The following IGF1R variants were observed in gnomAD, a reference collection of about 807,000 sequenced individuals.
IGF1R encodes insulin like growth factor 1 receptor.
A neutral mutation model predicts 144.6 loss-of-function variants in IGF1R; 44 were observed. That is an observed-to-expected ratio of 0.30 (90% confidence interval 0.24 to 0.39). IGF1R has a LOEUF of 0.39. Among genes scored for constraint, IGF1R ranks in the 10% least tolerant of loss-of-function variants. The pLI is 1.00. For missense variants in IGF1R, 1,355 were observed against 1,833.7 expected (o/e 0.74, Z 4.77); for synonymous variants, 795 against 722.8 (o/e 1.10, Z -1.60).
chr15:98,855,129 G>A (rs2011732254), intron 2 of IGF1R, among the ~76,000 whole-genome samples: 1 of 152,176 alleles, frequency 6.6e-6, no homozygotes, highest in Non-Finnish European at 1.5e-5. Context: ...ATGCTGTATG[G>A]TGATGTGTTC....
rs190140886 is a variant in IGF1R at position 98,814,263 on chromosome 15, T to C, written c.641-77062T>C. ...TTTCTGGCATGAATGATACATCACT[T>C]TGGAGCAACACTTACCAGGCAGTGA... is the stretch of plus-strand genomic sequence containing the variant. On this transcript the variant is annotated intron_variant, in intron 2 of 20. Transcript: ENST00000650285. Among the ~76,000 whole-genome samples the C allele has an allele frequency of 3.1e-3, 473 of 152,300 alleles. 3 individuals are homozygous for C. The highest frequency in any genetic ancestry group is 9.4e-3 in the African/African-American group (389 of 41,532).
At chr15:98,821,702 A>C (rs1233261133) in intron 2 of IGF1R, among the ~76,000 whole-genome samples, 1 of 152,242 alleles carries the variant, frequency 6.6e-6, no homozygotes, top group Non-Finnish European at 1.5e-5. Context: ...AGCTTTATTC[A>C]TGAAACCCGG....
chr15:98,935,113 TC>T lies in IGF1R; in HGVS notation c.3186+63del. 1 of 1,376,506 alleles carries T rather than the reference TC, an allele frequency of 7.3e-7. No individual in the cohort carries two copies. The highest frequency in any genetic ancestry group is 1.0e-6 in the Non-Finnish European group (1 of 968,096). The allele number at this position is 1,376,506 out of a possible 1,614,324, so 85.3% of individuals were successfully genotyped here. ...ACAGGGAGAGGGTATCACACAAGCC[TC>T]CCAGTATGTTCTTGGCTGCATGTAC... is the stretch of plus-strand genomic sequence containing the variant. On this transcript the variant is annotated intron_variant, in intron 16 of 20. Transcript: ENST00000650285. This position sits in a 1 kb window ranked among gnomAD's most constrained non-coding sequence, Gnocchi z 4.2.
At chr15:98,885,538 G>A (rs1045701530) in intron 2 of IGF1R, among the ~76,000 whole-genome samples, 2 of 152,086 alleles carry the variant, frequency 1.3e-5, no homozygotes, top group African/African-American at 2.4e-5. Flanking sequence ...AGTTAGGAGC[G>A]GTTAATCCTC....
chr15:98,879,252 C>T (rs2013247306), intron 2 of IGF1R, among the ~76,000 whole-genome samples: 1 of 152,146 alleles, frequency 6.6e-6, no homozygotes, highest in South Asian at 2.1e-4. Context: ...TTTCAGAGTA[C>T]ACTAGAATAT....
At chr15:98,931,192 C>T (rs1022228750) in intron 15 of IGF1R, among the ~76,000 whole-genome samples, 3 of 152,096 alleles carry the variant, frequency 2.0e-5, no homozygotes, top group Non-Finnish European at 4.4e-5. Flanking sequence ...TGAGGTCCCC[C>T]GGGCAGGCAA....
In IGF1R at chr15:98,733,488, GT is replaced by G. The variant is rs112182962; in HGVS notation, c.640+25393del. 3.8e-4 allele frequency among the ~76,000 whole-genome samples: 56 copies of G among 148,062 alleles called. 1 individual carries two copies. Among genetic ancestry groups the G allele is most frequent in the South Asian group, 2.6e-3 (12 of 4,642 alleles). On this transcript the variant is annotated intron_variant, in intron 2 of 20. Coordinates refer to ENST00000650285, the MANE Select transcript of IGF1R (RefSeq NM_000875.5). ...TGAGCCACTGTACCTGGCTGAGAAGGTTTTTTTTTTTTCCCCCTTCCAAACC... is the reference window on the plus strand; with the variant it reads ...TGAGCCACTGTACCTGGCTGAGAAGGTTTTTTTTTTTCCCCCTTCCAAACC...
rs756271550 is a variant in IGF1R at position 98,963,795 on chromosome 15, AAAG to A, written c.*6356_*6358del. 9 of 233,076 alleles carry A rather than the reference AAAG, an allele frequency of 3.9e-5. No homozygotes were observed. The highest frequency in any genetic ancestry group is 1.1e-4 in the African/African-American group (5 of 45,454). The allele number at this position is 233,076 out of a possible 1,614,324, so 14.4% of individuals were successfully genotyped here. ...CGAAGATACGTATTTCCAATACAGAAAAGAATTTTTAATAAAAACTATAACATA... is the reference window on the plus strand; with the variant it reads ...CGAAGATACGTATTTCCAATACAGAAAATTTTTAATAAAAACTATAACATA... On this transcript the variant is annotated 3_prime_UTR_variant, in exon 21 of 21. Coordinates refer to ENST00000650285, the MANE Select transcript of IGF1R (RefSeq NM_000875.5).
At chr15:98,715,578 C>T (rs1198895827) in intron 2 of IGF1R, among the ~76,000 whole-genome samples, 1 of 152,194 alleles carries the variant, frequency 6.6e-6, no homozygotes, top group African/African-American at 2.4e-5. Flanking sequence ...GTGACATTCT[C>T]GGCAGAGTGG....
intron 2 of IGF1R, among the ~76,000 whole-genome samples, chr15:98,713,367 C>T (rs2054040512): frequency 6.6e-6 from 1 of 152,138 alleles, no homozygotes; most frequent in African/African-American, 2.4e-5. Context: ...CTTCGGTGAG[C>T]CAGTTGTACC....
At chr15:98,650,678 G>C (rs2052339001) in intron 1 of IGF1R, among the ~76,000 whole-genome samples, 1 of 152,250 alleles carries the variant, frequency 6.6e-6, no homozygotes, top group Non-Finnish European at 1.5e-5. Flanking sequence ...GTACGCTGTG[G>C]TTTCAGCGCC....
At chr15:98,796,909 C>T (rs1046503156) in intron 2 of IGF1R, among the ~76,000 whole-genome samples, 2 of 152,198 alleles carry the variant, frequency 1.3e-5, no homozygotes, top group African/African-American at 2.4e-5. Flanking sequence ...CTCTCACTCG[C>T]GACTCCTGTT....
rs573123651 is a variant in IGF1R at position 98,960,372 on chromosome 15, CCAA to C, written c.*2932_*2934del. ...CTCCTAGCCAGGTGGCCCTGTGAGG[CCAA>C]CGAGGGCACCAGAGCACACCTGGGG... On this transcript the variant is annotated 3_prime_UTR_variant, in exon 21 of 21. Transcript: ENST00000650285. 161 of 233,334 alleles carry C rather than the reference CCAA, an allele frequency of 6.9e-4. No homozygotes were observed. The highest frequency in any genetic ancestry group is 2.6e-3 in the African/African-American group (118 of 45,484). 14.5% of individuals were successfully genotyped at this position (233,334 alleles called of 1,614,324 possible). A position where few individuals can be genotyped will look rare whatever the true frequency, so the allele number is the denominator to read the frequency against.
At chr15:98,859,877 A>C (rs565400598) in intron 2 of IGF1R, among the ~76,000 whole-genome samples, 10 of 152,338 alleles carry the variant, frequency 6.6e-5, no homozygotes, top group African/African-American at 2.4e-4. Context: ...CCAAAGCAGC[A>C]TGCCTTGCTT....
At chr15:98,857,165 T>G (rs981574095) in intron 2 of IGF1R, among the ~76,000 whole-genome samples, 5 of 152,224 alleles carry the variant, frequency 3.3e-5, no homozygotes, top group African/African-American at 1.2e-4. Flanking sequence ...TTAAAGAAGC[T>G]TCTATAAAGT....
intron 2 of IGF1R, among the ~76,000 whole-genome samples, chr15:98,765,984 C>T (rs11247369): frequency 0.12 from 18,928 of 152,136 alleles, 1,505 homozygotes; most frequent in East Asian, 0.26. Context: ...GTGGTGCAAC[C>T]CCTTACCAAG....
At chr15:98,842,663 C>CT (rs1217656192) in intron 2 of IGF1R, among the ~76,000 whole-genome samples, 1 of 152,174 alleles carries the variant, frequency 6.6e-6, no homozygotes, top group Non-Finnish European at 1.5e-5. Context: ...GAAACACTGT[C>CT]TTTTGGCAAA....
chr15:98,855,078 T>C (rs2011727933), intron 2 of IGF1R, among the ~76,000 whole-genome samples: 1 of 152,222 alleles, frequency 6.6e-6, no homozygotes, highest in Admixed American at 6.5e-5. Context: ...TCCTTGTTTG[T>C]TTTTCCTGTC....
intron 1 of IGF1R, among the ~76,000 whole-genome samples, chr15:98,694,142 T>G (rs925678914): frequency 5.3e-5 from 8 of 152,250 alleles, no homozygotes; most frequent in Non-Finnish European, 7.3e-5. Flanking sequence ...CTGGATTTTT[T>G]TTTTAAAGCA....
Sources: allele counts gnomAD v4.1 joint callset (sites outside exome capture counted in the v4.1 genomes callset), GRCh38; gene constraint gnomAD v4.1.1; non-coding constraint Gnocchi (gnomAD v3.1); transcripts MANE v1.5; gene names NCBI Gene and HGNC (gene_info 2026-07-23, HGNC 2026-07-21).